Variants in GSAP observed in about 807,000 individuals in gnomAD.
The protein encoded by GSAP is gamma-secretase activating protein.
In GSAP, 118 loss-of-function variants were observed where a neutral mutation model predicts 131.7. The observed-to-expected ratio is 0.90, with a 90% CI of 0.77 to 1.04. GSAP has a LOEUF of 1.04. GSAP is among the 50% of genes least tolerant of loss of function. The probability of loss-of-function intolerance (pLI) is 0.00; values close to 1 mark genes in which losing one functional copy is unlikely to be tolerated. For missense variants in GSAP, 1,019 were observed against 1,013.2 expected (o/e 1.01, Z -0.08); for synonymous variants, 381 against 363.4 (o/e 1.05, Z -0.55).
In GSAP at chr7:77,402,593, CAAAAAAA is replaced by C. The variant is rs56739649; in HGVS notation, c.243+1959_243+1965del. On this transcript the variant is annotated intron_variant, in intron 3 of 30. Transcript: ENST00000257626. ...CTGGCAATAGAGTGAGACTCTGTCTCAAAAAAAAAAAAAAAAAAAAAAAGAATTTTAA... is the reference window on the plus strand; with the variant it reads ...CTGGCAATAGAGTGAGACTCTGTCTCAAAAAAAAAAAAAAAAGAATTTTAA... 4.0e-3 allele frequency among the ~76,000 whole-genome samples: 100 copies of C among 24,780 alleles called. 4 individuals carry two copies. The highest frequency in any genetic ancestry group is 0.01 in the South Asian group (5 of 480). 16.3% of individuals were successfully genotyped at this position (24,780 alleles called of 152,430 possible).
At chr7:77,326,145 G>A (rs1788302368) in intron 23 of GSAP, 67 bp downstream of exon 23, 1 of 1,010,344 alleles carries the variant, frequency 9.9e-7, no homozygotes, top group East Asian at 2.4e-5. Flanking sequence ...GAAGCCCACT[G>A]TAATCCTTTC....
chr7:77,320,628 A>G, intron 26 of GSAP, 97 bp downstream of exon 26: 1 of 741,810 alleles, frequency 1.3e-6, no homozygotes, highest in East Asian at 2.5e-5. Context: ...TCTCATACAC[A>G]AGTCTCATCA....
intron 5 of GSAP, among the ~76,000 whole-genome samples, chr7:77,392,388 A>G (rs1799715592): frequency 6.6e-6 from 1 of 151,910 alleles, no homozygotes; most frequent in African/African-American, 2.4e-5. Context: ...CTCTGCTAAT[A>G]ACACAAAAAA....
At chr7:77,370,297 A>G (rs1301530921) in intron 12 of GSAP, among the ~76,000 whole-genome samples, 1 of 152,126 alleles carries the variant, frequency 6.6e-6, no homozygotes, top group African/African-American at 2.4e-5. Flanking sequence ...GTCTCCACTA[A>G]AAATACAAAA....
intron 14 of GSAP, among the ~76,000 whole-genome samples, chr7:77,359,671 T>C (rs1237083759): frequency 2.0e-5 from 3 of 152,212 alleles, no homozygotes; most frequent in Non-Finnish European, 4.4e-5. Context: ...TAGCCTATTT[T>C]TACAAAGCTT....
rs577226894 is a variant in GSAP, at chr7:77,329,013, T to TA, written c.1733+319dup. ...CAAGCTCACTAGCCCACTGACACTTTAAAAAAAAAAAAAATCAACCTACTA... is the reference window on the plus strand; with the variant it reads ...CAAGCTCACTAGCCCACTGACACTTTAAAAAAAAAAAAAAATCAACCTACTA... On this transcript the variant is annotated intron_variant, in intron 21 of 30. Coordinates refer to ENST00000257626, the MANE Select transcript of GSAP (RefSeq NM_017439.4). 2.8e-3 allele frequency among the ~76,000 whole-genome samples: 419 copies of TA among 147,444 alleles called. 2 individuals carry two copies. Among genetic ancestry groups the TA allele is most frequent in the East Asian group, 5.2e-3 (26 of 4,990 alleles).
At chr7:77,321,251 G>GTGCATA in intron 25 of GSAP, 82 bp downstream of exon 25, 3 of 830,470 alleles carry the variant, frequency 3.6e-6, no homozygotes, top group Non-Finnish European at 4.2e-6. Flanking sequence ...ATTTGAACTA[G>GTGCATA]TGCATTTCAA....
rs1794309906 is a variant in GSAP at position 77,311,243 on chromosome 7, T to C, written c.*115A>G. On this transcript the variant is annotated 3_prime_UTR_variant, in exon 31 of 31. Coordinates refer to ENST00000257626, the MANE Select transcript of GSAP (RefSeq NM_017439.4). ...ACCTGAAACTCACATGGCTAAACAATTATGGCTAAACTATTTTTGTTACCA... is the reference window on the plus strand; with the variant it reads ...ACCTGAAACTCACATGGCTAAACAACTATGGCTAAACTATTTTTGTTACCA... The C allele has an allele frequency of 2.8e-6, 2 of 708,104 alleles. No homozygotes were observed. The highest frequency in any genetic ancestry group is 2.3e-5 in the Admixed American group (1 of 43,676). 43.9% of individuals were successfully genotyped at this position (708,104 alleles called of 1,614,324 possible).
chr7:77,409,628 C>T (rs2190097), intron 1 of GSAP, among the ~76,000 whole-genome samples: 122,174 of 152,134 alleles, frequency 0.8, 49,707 homozygotes, highest in African/African-American at 0.92. Flanking sequence ...ATCCTGTACA[C>T]GACTCAAAAC....
chr7:77,334,580 T>TAAAAAAAAAA (rs57442782), intron 19 of GSAP, among the ~76,000 whole-genome samples: 1 of 81,950 alleles, frequency 1.2e-5, no homozygotes, highest in African/African-American at 4.9e-5. Context: ...ACTTAAAATT[T>TAAAAAAAAAA]AAAAAAAAAA....
intron 5 of GSAP, among the ~76,000 whole-genome samples, chr7:77,392,247 GA>G (rs1280653272): frequency 6.7e-6 from 1 of 148,502 alleles, no homozygotes; most frequent in Non-Finnish European, 1.5e-5. Flanking sequence ...AGAATTTTGA[GA>G]ATCAAGATAT....
rs929777994 is a variant in GSAP at position 77,389,992 on chromosome 7, A to G, written c.368-2544T>C. Among the ~76,000 whole-genome samples the G allele has an allele frequency of 5.6e-4, 85 of 152,248 alleles. No individual in the cohort carries two copies. In the East Asian group the frequency reaches 0.011, roughly 20 times the overall value. On this transcript the variant is annotated intron_variant, in intron 5 of 30. Transcript: ENST00000257626. ...ATTGCCATTCTAACTGGTGTGAGAT[A>G]GTATCTCATTGTGGTTTTGATTTGC...
chr7:77,379,701 G>T (rs1248170853), intron 8 of GSAP: 1 of 177,208 alleles, frequency 5.6e-6, no homozygotes, highest in East Asian at 1.9e-4. Context: ...ACTGGCTTTG[G>T]GATTCAGCCT....
At chr7:77,409,852 G>A (rs957573090) in intron 1 of GSAP, among the ~76,000 whole-genome samples, 2 of 152,080 alleles carry the variant, frequency 1.3e-5, no homozygotes, top group African/African-American at 4.8e-5. Flanking sequence ...TCCAACAAAC[G>A]CAGATTACAA....
At chr7:77,402,825 T>G (rs1801611257) in intron 3 of GSAP, among the ~76,000 whole-genome samples, 1 of 152,046 alleles carries the variant, frequency 6.6e-6, no homozygotes. Context: ...TCCTATTAAT[T>G]TATCCTTTGG....
At chr7:77,416,573 C>T, upstream of GSAP, 1 of 352,186 alleles carries the variant, frequency 2.8e-6, no homozygotes, top group Non-Finnish European at 5.1e-6. Context: ...GACCAGGCGC[C>T]AGGACCAGGC....
intron 18 of GSAP, chr7:77,351,540 C>T: frequency 1.0e-6 from 1 of 984,994 alleles, no homozygotes; most frequent in African/African-American, 1.7e-5. Flanking sequence ...GTAACCTAGT[C>T]CAACCACAAG....
In GSAP at chr7:77,389,668, T is replaced by G. The variant is rs1269772226; in HGVS notation, c.368-2220A>C. On this transcript the variant is annotated intron_variant, in intron 5 of 30. Transcript: ENST00000257626. ...ATGGTGTATATGTGCCACATTTTCT[T>G]AATCCAGTCTATCATTGTTGGACAT... 2.0e-5 allele frequency among the ~76,000 whole-genome samples: 3 copies of G among 152,334 alleles called. No homozygotes were observed. The East Asian group carries it at 5.8e-4, about 29-fold the overall frequency.
chr7:77,322,940 C>T (rs1403244992), intron 24 of GSAP, among the ~76,000 whole-genome samples: 1 of 152,132 alleles, frequency 6.6e-6, no homozygotes, highest in Non-Finnish European at 1.5e-5. Context: ...CACACACTGG[C>T]TTATTTGCAT....
Sources: allele counts gnomAD v4.1 joint callset (sites outside exome capture counted in the v4.1 genomes callset), GRCh38; gene constraint gnomAD v4.1.1; transcripts MANE v1.5; gene names NCBI Gene and HGNC (gene_info 2026-07-23, HGNC 2026-07-21).